Variants in CDH2 observed in about 807,000 individuals in gnomAD.
CDH2 encodes the protein cadherin 2, also known as cadherin-2.
CDH2 carries 17 observed loss-of-function variants against 92.0 expected under a neutral mutation model. That is an observed-to-expected ratio of 0.18 (90% CI 0.13 to 0.28). The LOEUF is 0.28. Among genes scored for constraint, CDH2 ranks in the 10% least tolerant of loss-of-function variants. The probability of loss-of-function intolerance (pLI) is 1.00; values close to 1 mark genes in which losing one functional copy is unlikely to be tolerated. For synonymous variants in CDH2, 419 were observed against 415.9 expected (o/e 1.01, Z -0.09); for missense variants, 862 against 1,133.1 (o/e 0.76, Z 3.44).
chr18:28,031,581 A>G (rs905742704), intron 2 of CDH2, among the ~76,000 whole-genome samples: 2 of 152,062 alleles, frequency 1.3e-5, no homozygotes, highest in African/African-American at 2.4e-5. Context: ...CTCTACAGTT[A>G]CATATGTTTT....
At chr18:27,937,750 G>C (rs1470189876) in intron 6 of CDH2, among the ~76,000 whole-genome samples, 1 of 152,082 alleles carries the variant, frequency 6.6e-6, no homozygotes, top group Non-Finnish European at 1.5e-5. Flanking sequence ...TTGAACTAAT[G>C]GTCAATTATT....
intron 2 of CDH2, among the ~76,000 whole-genome samples, chr18:28,068,953 T>C (rs889811596): frequency 6.6e-6 from 1 of 152,200 alleles, no homozygotes; most frequent in Non-Finnish European, 1.5e-5. Context: ...TCTTTTGCTA[T>C]TTTTGGAAAA....
chr18:27,988,460 C>T, intron 11 of CDH2, 64 bp downstream of exon 11: 1 of 1,410,570 alleles, frequency 7.1e-7, no homozygotes, highest in Non-Finnish European at 9.8e-7. Flanking sequence ...ACTTTAATTC[C>T]TGAGCATGCA....
intron 2 of CDH2, among the ~76,000 whole-genome samples, chr18:28,069,970 G>A (rs1016668451): frequency 6.6e-6 from 1 of 152,114 alleles, no homozygotes; most frequent in Admixed American, 6.6e-5. Context: ...CCACTTTAAG[G>A]CCTCCAGTGT....
chr18:27,963,345 G>GTC lies in CDH2; in HGVS notation c.2514+10_2514+11dup. Reference sequence around the variant, plus strand: ...GAAAACTCTTATAGAGAAAACGAGTGTCTCTCTGTACCTCATTAATGAAGT... The same window carrying GTC: ...GAAAACTCTTATAGAGAAAACGAGTGTCTCTCTCTGTACCTCATTAATGAAGT... On this transcript the variant is annotated intron_variant, in intron 15 of 15. Transcript: ENST00000269141. 1 of 1,612,616 alleles carries GTC rather than the reference G, an allele frequency of 6.2e-7. No homozygotes were observed. The highest frequency in any genetic ancestry group is 2.2e-5 in the East Asian group (1 of 44,842).
intron 2 of CDH2, among the ~76,000 whole-genome samples, chr18:28,070,919 A>G (rs191902038): frequency 1.4e-4 from 21 of 151,786 alleles, no homozygotes; most frequent in African/African-American, 4.6e-4. Context: ...CTGTTTTTCA[A>G]TTTTTTTTCT....
At chr18:28,072,032 T>A (rs1362398527) in intron 2 of CDH2, among the ~76,000 whole-genome samples, 1 of 152,158 alleles carries the variant, frequency 6.6e-6, no homozygotes, top group Admixed American at 6.5e-5. Context: ...AATGATTCTA[T>A]AGAATTCTTG....
Position 28,162,851 on chromosome 18 carries a change from C to T in CDH2, c.60+14112G>A, listed in dbSNP as rs117476224. On this transcript the variant is annotated intron_variant, in intron 1 of 15. Coordinates refer to ENST00000269141, the MANE Select transcript of CDH2 (RefSeq NM_001792.5). The stretch of plus-strand genomic sequence containing the variant: ...GTAAGATGGATAATGATAATAACGT[C>T]TACCTATTGCAGAGGATTGATGTGA... Among the ~76,000 whole-genome samples, 867 of 152,314 alleles carry T rather than the reference C, an allele frequency of 5.7e-3. 5 individuals carry two copies. The highest frequency in any genetic ancestry group is 0.02 in the Middle Eastern group (6 of 294).
chr18:28,091,504 A>C (rs2015037232), intron 2 of CDH2, among the ~76,000 whole-genome samples: 1 of 152,202 alleles, frequency 6.6e-6, no homozygotes, highest in South Asian at 2.1e-4. Context: ...TTCTCTTACC[A>C]TCAAAGAAGA....
At chr18:27,969,452 T>G (rs2011605169) in intron 14 of CDH2, among the ~76,000 whole-genome samples, 1 of 152,244 alleles carries the variant, frequency 6.6e-6, no homozygotes, top group Non-Finnish European at 1.5e-5. Flanking sequence ...GAATGAGCTA[T>G]AGGTTCACTC....
intron 5 of CDH2, among the ~76,000 whole-genome samples, chr18:28,007,462 T>A (rs1463674254): frequency 6.6e-6 from 1 of 151,802 alleles, no homozygotes; most frequent in Non-Finnish European, 1.5e-5. Context: ...CTGGATACAC[T>A]CTATCAAATT....
In CDH2 at chr18:28,134,918, AG is replaced by A. The variant is rs542766308; in HGVS notation, c.172+12754del. Among the ~76,000 whole-genome samples the A allele has an allele frequency of 2.2e-3, 329 of 152,264 alleles. 6 individuals are homozygous for A. The highest frequency in any genetic ancestry group is 0.019 in the Admixed American group (295 of 15,296). ...AGTACTGGCATGTAGGGGATGGGAA[AG>A]CGGAAGGTGCCCAAAAGGCTCGATC... On this transcript the variant is annotated intron_variant, in intron 2 of 15. Coordinates refer to ENST00000269141, the MANE Select transcript of CDH2 (RefSeq NM_001792.5).
downstream of CDH2, among the ~76,000 whole-genome samples, chr18:27,947,270 A>G (rs1909291036): frequency 6.6e-6 from 1 of 151,970 alleles, no homozygotes; most frequent in South Asian, 2.1e-4. Flanking sequence ...AAAAAATGCT[A>G]TAAAAAGTAG....
At chr18:28,125,888 C>T (rs2015669499) in intron 2 of CDH2, among the ~76,000 whole-genome samples, 1 of 152,052 alleles carries the variant, frequency 6.6e-6, no homozygotes, top group Admixed American at 6.6e-5. Context: ...GTAGAAAATA[C>T]ACAAGGTGGT....
At chr18:28,150,430 G>A (rs17536618) in intron 1 of CDH2, among the ~76,000 whole-genome samples, 1 of 152,198 alleles carries the variant, frequency 6.6e-6, no homozygotes. Context: ...TAAGGCAGGA[G>A]AATCAGCGGC....
intron 2 of CDH2, among the ~76,000 whole-genome samples, chr18:28,083,692 C>T (rs1042248658): frequency 1.3e-5 from 2 of 152,076 alleles, no homozygotes; most frequent in South Asian, 2.1e-4. Context: ...TATGCTCTTT[C>T]GATCATAAAA....
intron 2 of CDH2, among the ~76,000 whole-genome samples, chr18:28,129,199 T>C (rs1568009348): frequency 6.6e-6 from 1 of 152,180 alleles, no homozygotes; most frequent in Non-Finnish European, 1.5e-5. Flanking sequence ...CAAAATACCA[T>C]TGAGTCAAAA....
At chr18:28,050,067 T>C (rs1186246747) in intron 2 of CDH2, among the ~76,000 whole-genome samples, 2 of 152,298 alleles carry the variant, frequency 1.3e-5, no homozygotes, top group East Asian at 3.9e-4. Context: ...AGACCAAATC[T>C]GCAGCGTGGA....
chr18:28,088,353 C>T (rs1329527750), intron 2 of CDH2, among the ~76,000 whole-genome samples: 1 of 152,184 alleles, frequency 6.6e-6, no homozygotes, highest in Non-Finnish European at 1.5e-5. Context: ...AGAAATAAAA[C>T]ATACGTAAGC....
Sources: allele counts gnomAD v4.1 joint callset (sites outside exome capture counted in the v4.1 genomes callset), GRCh38; gene constraint gnomAD v4.1.1; transcripts MANE v1.5; gene names NCBI Gene and HGNC (gene_info 2026-07-23, HGNC 2026-07-21).